Variants in SEC14L1 observed in about 807,000 individuals in gnomAD.
SEC14L1 encodes SEC14 like lipid binding 1, also known as SEC14-like protein 1.
Under a neutral mutation model 85.3 loss-of-function variants are expected in SEC14L1, and 48 were observed. The ratio of observed to expected loss-of-function variants is 0.56; its 90% CI spans 0.45 to 0.72. SEC14L1 has a LOEUF of 0.72. SEC14L1 is among the 30% of genes least tolerant of loss of function. The pLI, the probability that SEC14L1 is intolerant of heterozygous loss-of-function variation, is 0.00. For missense variants in SEC14L1, 682 were observed against 921.4 expected, an observed-to-expected ratio of 0.74 and a Z score of 3.36; for synonymous variants, 391 against 355.5, an observed-to-expected ratio of 1.10 and a Z score of -1.12.
chr17:77,194,824 A>T lies in SEC14L1; in HGVS notation c.622A>T (p.Ile208Phe), dbSNP rs1451602713. The change falls in exon 7 of 17, where the codon ATC (isoleucine) becomes TTC (phenylalanine). Residue 208 changes from isoleucine (I) to phenylalanine (F), a missense_variant. By Grantham distance (21) the Ile-to-Phe change is conservative (BLOSUM62 0). This residue lies in a region of SEC14L1 where 123 missense variants were observed against 100.6 expected (regional missense o/e 1.22). Transcript: ENST00000436233. The stretch of plus-strand genomic sequence containing the variant: ...ACAAGCAGCGTCCATGGCCGTCGTC[A>T]TCCCAGAAGCTGCCCTCAAGGAGGG... ...KKQAASMAVV[I>F]PEAALKEGLS... 4 of 1,614,088 alleles carry T rather than the reference A, an allele frequency of 2.5e-6. No homozygotes were observed. The Admixed American group carries it at 6.7e-5, about 27-fold the overall frequency.
rs1365443619 is a variant in SEC14L1, at chr17:77,194,781, TTCA to T, written c.585_587del (p.Ser197del). ...CCATCACGACCTCTTCAGAGACATC[TTCA>T]TCATCCTCCAAGAAACAAGCAGCGT... On this transcript the variant is annotated inframe_deletion, in exon 7 of 17. Transcript: ENST00000436233. 5.6e-6 allele frequency: 9 copies of T among 1,614,194 alleles called. No individual in the cohort carries two copies. Among genetic ancestry groups the T allele is most frequent in the Non-Finnish European group, 7.6e-6 (9 of 1,180,024 alleles).
rs541761110 is a variant in SEC14L1 at position 77,204,243 on chromosome 17, G to A, written c.1098+585G>A. Among the ~76,000 whole-genome samples the A allele has an allele frequency of 5.0e-4, 76 of 152,184 alleles. 1 individual carries two copies. Among genetic ancestry groups the A allele is most frequent in the African/African-American group, 1.6e-3 (68 of 41,502 alleles). On this transcript the variant is annotated intron_variant, in intron 10 of 16. Coordinates refer to ENST00000436233, the MANE Select transcript of SEC14L1 (RefSeq NM_001143998.2). ...TTTTTATTATGTTTTTTGAGACGGA[G>A]TTTCACTCTTGTTACCCAGGCTGGA...
intron 3 of SEC14L1, among the ~76,000 whole-genome samples, chr17:77,175,126 GA>G (rs1567910059): frequency 6.6e-6 from 1 of 152,220 alleles, no homozygotes; most frequent in Non-Finnish European, 1.5e-5. Flanking sequence ...AGAAACAAGA[GA>G]GTATAAGGAG....
Position 77,206,701 on chromosome 17 carries a change from G to C in SEC14L1, c.1342-27G>C. On this transcript the variant is annotated intron_variant, in intron 12 of 16. Transcript: ENST00000436233. The surrounding 1 kb of genome is among the most constrained non-coding windows in gnomAD (Gnocchi z 4.3). ...GGACACTCAGGCAGCAGAGAAATATGACTGCATGGTCTTCTCCTCCTCACA... is the reference window on the plus strand; with the variant it reads ...GGACACTCAGGCAGCAGAGAAATATCACTGCATGGTCTTCTCCTCCTCACA... 1 of 1,571,370 alleles carries C rather than the reference G, an allele frequency of 6.4e-7. No individual in the cohort carries two copies. Among genetic ancestry groups the C allele is most frequent in the Non-Finnish European group, 8.6e-7 (1 of 1,161,662 alleles).
chr17:77,181,831 AGCTGT>A (rs1442161781), intron 3 of SEC14L1, among the ~76,000 whole-genome samples: 1 of 151,574 alleles, frequency 6.6e-6, no homozygotes, highest in Non-Finnish European at 1.5e-5. Context: ...CTCTGTAAAG[AGCTGT>A]TACTTTGATA....
chr17:77,114,055 G>T (rs1442834759), intron 3 of SEC14L1, among the ~76,000 whole-genome samples: 1 of 152,152 alleles, frequency 6.6e-6, no homozygotes, highest in Non-Finnish European at 1.5e-5. Context: ...GCTAAATGCG[G>T]GTGCAAATAA....
intron 3 of SEC14L1, among the ~76,000 whole-genome samples, chr17:77,126,507 C>T (rs1035622025): frequency 9.9e-5 from 15 of 152,152 alleles, no homozygotes; most frequent in Non-Finnish European, 1.5e-4. Context: ...CTTTGTGCCT[C>T]GGTCTCCCTG....
chr17:77,117,995 C>T (rs1388318845), intron 3 of SEC14L1, among the ~76,000 whole-genome samples: 2 of 152,240 alleles, frequency 1.3e-5, no homozygotes, highest in African/African-American at 4.8e-5. Context: ...GGACGCCAAA[C>T]AGCAAAGCTT....
At chr17:77,160,818 A>AT (rs912320687) in intron 3 of SEC14L1, among the ~76,000 whole-genome samples, 3 of 150,536 alleles carry the variant, frequency 2.0e-5, no homozygotes, top group Admixed American at 1.3e-4. Flanking sequence ...GTTAGCTTTT[A>AT]TTTTTTGTGG....
At chr17:77,105,362 C>A (rs1026446189) in intron 3 of SEC14L1, among the ~76,000 whole-genome samples, 2 of 85,948 alleles carry the variant, frequency 2.3e-5, no homozygotes, top group Non-Finnish European at 5.3e-5. Context: ...GTGACATGCT[C>A]CTCGCTGACC....
chr17:77,132,848 C>G (rs899151329), intron 3 of SEC14L1, among the ~76,000 whole-genome samples: 2 of 114,818 alleles, frequency 1.7e-5, no homozygotes, highest in African/African-American at 6.6e-5. Flanking sequence ...TACCCCAATC[C>G]TCCTTTTTTT....
At chr17:77,182,447 C>T (rs1193412452) in intron 3 of SEC14L1, among the ~76,000 whole-genome samples, 1 of 152,138 alleles carries the variant, frequency 6.6e-6, no homozygotes, top group Non-Finnish European at 1.5e-5. Context: ...GGAGCTTCCT[C>T]TCAGGGTCAG....
chr17:77,130,742 G>C (rs952147580), intron 3 of SEC14L1, among the ~76,000 whole-genome samples: 2 of 152,146 alleles, frequency 1.3e-5, no homozygotes, highest in African/African-American at 4.8e-5. Flanking sequence ...AAGCAGCTGG[G>C]AATGCAGGCA....
chr17:77,189,589 C>T (rs1440717681), intron 3 of SEC14L1, among the ~76,000 whole-genome samples: 2 of 152,098 alleles, frequency 1.3e-5, no homozygotes, highest in Non-Finnish European at 2.9e-5. Context: ...AATCCCTCCT[C>T]CCATTTTGTA....
Position 77,206,838 on chromosome 17 carries a change from A to C in SEC14L1, c.1452A>C (p.Pro484=). The C allele has an allele frequency of 1.9e-6, 3 of 1,607,794 alleles. No individual in the cohort carries two copies. Among genetic ancestry groups the C allele is most frequent in the Non-Finnish European group, 2.5e-6 (3 of 1,177,660 alleles). Residue 484 remains proline, a synonymous_variant, in exon 13 of 17, where the codon CCA becomes CCC. Coordinates refer to ENST00000436233, the MANE Select transcript of SEC14L1 (RefSeq NM_001143998.2). This position sits in a 1 kb window ranked among gnomAD's most constrained non-coding sequence, Gnocchi z 4.3. ...LLDYIDKEII[P]DFLSGECMCE... ...ATTACATCGACAAAGAGATTATTCC[A>C]GATTTCCTGAGTGGGGAGTGCATGG... is the stretch of plus-strand genomic sequence containing the variant.
intron 3 of SEC14L1, among the ~76,000 whole-genome samples, chr17:77,185,590 A>T (rs1271690389): frequency 3.3e-5 from 5 of 152,058 alleles, no homozygotes; most frequent in Non-Finnish European, 7.4e-5. Context: ...GTAAGTGCTT[A>T]CTCTGCCCTA....
chr17:77,150,729 AG>A (rs1024669707), intron 3 of SEC14L1, among the ~76,000 whole-genome samples: 11 of 152,146 alleles, frequency 7.2e-5, no homozygotes, highest in African/African-American at 2.4e-4. Context: ...TTGGTTGGGC[AG>A]GGGGCACAGG....
intron 14 of SEC14L1, chr17:77,210,865 G>A (rs546298672): frequency 7.2e-5 from 11 of 152,242 alleles, no homozygotes; most frequent in South Asian, 6.2e-4. Context: ...AAAAACCTCC[G>A]TTCTGCTTTG....
At chr17:77,109,557 C>T (rs1057302018) in intron 3 of SEC14L1, among the ~76,000 whole-genome samples, 32 of 152,180 alleles carry the variant, frequency 2.1e-4, no homozygotes, top group African/African-American at 7.2e-4. Flanking sequence ...TTGCTGAGCA[C>T]GGGTGACTCC....
Sources: allele counts gnomAD v4.1 joint callset (sites outside exome capture counted in the v4.1 genomes callset), GRCh38; gene constraint gnomAD v4.1.1; regional missense constraint gnomAD v4.1.1; non-coding constraint Gnocchi (gnomAD v3.1); transcripts MANE v1.5; gene names NCBI Gene and HGNC (gene_info 2026-07-23, HGNC 2026-07-21).